The following XKR4 variants were observed in gnomAD, a reference collection of about 807,000 sequenced individuals.
The protein encoded by XKR4 is XK related 4.
A neutral mutation model predicts 53.9 loss-of-function variants in XKR4; 12 were observed. That is an observed-to-expected ratio of 0.22 (90% CI 0.14 to 0.36). XKR4 has a LOEUF of 0.36. Among genes scored for constraint, XKR4 ranks in the 10% least tolerant of loss-of-function variants. The pLI is 1.00. For synonymous variants in XKR4, 354 were observed against 362.4 expected, an observed-to-expected ratio of 0.98 and a Z score of 0.26; for missense variants, 799 against 859.5, an observed-to-expected ratio of 0.93 and a Z score of 0.88.
chr8:55,283,127 A>G (rs1818863002), intron 1 of XKR4, among the ~76,000 whole-genome samples: 4 of 152,206 alleles, frequency 2.6e-5, no homozygotes, highest in South Asian at 4.1e-4. Context: ...CTAGTTTTGC[A>G]TAAGTACACT....
At chr8:55,427,443 T>G (rs1466733773) in intron 2 of XKR4, among the ~76,000 whole-genome samples, 1 of 152,182 alleles carries the variant, frequency 6.6e-6, no homozygotes, top group Non-Finnish European at 1.5e-5. Context: ...ACACCTGGCC[T>G]CAAGCAATCC....
intron 2 of XKR4, among the ~76,000 whole-genome samples, chr8:55,513,518 C>G (rs1413945688): frequency 1.3e-5 from 2 of 152,190 alleles, no homozygotes; most frequent in Non-Finnish European, 2.9e-5. Context: ...GTTCACTCTG[C>G]AAGTGCTTGC....
intron 2 of XKR4, among the ~76,000 whole-genome samples, chr8:55,495,713 A>T (rs1455877897): frequency 4.6e-5 from 7 of 152,176 alleles, no homozygotes; most frequent in African/African-American, 7.2e-5. Flanking sequence ...AGTGGGTCCC[A>T]CCCAGCTGCG....
intron 1 of XKR4, among the ~76,000 whole-genome samples, chr8:55,261,606 C>CT (rs1818527206): frequency 2.6e-5 from 4 of 152,040 alleles, no homozygotes; most frequent in Admixed American, 2.6e-4. Flanking sequence ...CTTTGGCAGT[C>CT]TTTTGAATTT....
At chr8:55,301,172 A>T (rs1585997071) in intron 1 of XKR4, among the ~76,000 whole-genome samples, 1 of 76,104 alleles carries the variant, frequency 1.3e-5, no homozygotes, top group African/African-American at 6.6e-5. Flanking sequence ...CAGACCCCGG[A>T]GTGTGATGTT....
chr8:55,357,261 G>A (rs1028437511), intron 1 of XKR4, among the ~76,000 whole-genome samples: 1 of 152,162 alleles, frequency 6.6e-6, no homozygotes, highest in Non-Finnish European at 1.5e-5. Flanking sequence ...GCATAAGAAG[G>A]TTTATATGCA....
At position 55,188,522 on chromosome 8, in the gene XKR4, C is replaced by A. The variant is rs151314601; in HGVS notation, c.806+85228C>A. ...CTCTTCCAAGACAGTCGTTCAACAG[C>A]TCCTGTCTCGTGCATCCTCTTAAGT... On this transcript the variant is annotated intron_variant, in intron 1 of 2. Coordinates refer to ENST00000327381, the MANE Select transcript of XKR4 (RefSeq NM_052898.2). Among the ~76,000 whole-genome samples the A allele has an allele frequency of 9.2e-3, 1,394 of 152,312 alleles. 16 individuals carry two copies. The highest frequency in any genetic ancestry group is 0.012 in the Non-Finnish European group (791 of 68,030).
At chr8:55,509,433 C>T (rs1001674908) in intron 2 of XKR4, among the ~76,000 whole-genome samples, 5 of 152,176 alleles carry the variant, frequency 3.3e-5, no homozygotes, top group Non-Finnish European at 7.4e-5. Flanking sequence ...TCAGCCCAAA[C>T]ATGCAATGAT....
At chr8:55,120,747 A>G (rs907213528) in intron 1 of XKR4, among the ~76,000 whole-genome samples, 2 of 152,098 alleles carry the variant, frequency 1.3e-5, no homozygotes, top group African/African-American at 4.8e-5. Flanking sequence ...ACTAAAGTCT[A>G]TAGTTTACAT....
At chr8:55,344,291 A>G (rs891194928) in intron 1 of XKR4, among the ~76,000 whole-genome samples, 1 of 152,226 alleles carries the variant, frequency 6.6e-6, no homozygotes, top group African/African-American at 2.4e-5. Context: ...TGTGACTTTA[A>G]AAAGAATGAA....
At chr8:55,272,228 A>G (rs1052936036) in intron 1 of XKR4, among the ~76,000 whole-genome samples, 1 of 152,222 alleles carries the variant, frequency 6.6e-6, no homozygotes, top group African/African-American at 2.4e-5. Flanking sequence ...CTCCATTGCT[A>G]TCAGAGCAAG....
At chr8:55,168,118 C>T (rs1331765496) in intron 1 of XKR4, among the ~76,000 whole-genome samples, 2 of 152,154 alleles carry the variant, frequency 1.3e-5, no homozygotes, top group African/African-American at 2.4e-5. Flanking sequence ...AGAAGAGAAT[C>T]GTACAGAAAG....
At chr8:55,498,279 G>C (rs531685870) in intron 2 of XKR4, among the ~76,000 whole-genome samples, 13 of 152,334 alleles carry the variant, frequency 8.5e-5, no homozygotes, top group African/African-American at 3.1e-4. Context: ...TAGGGAAGAC[G>C]GATCCCCATG....
At chr8:55,275,068 G>A (rs1818745943) in intron 1 of XKR4, among the ~76,000 whole-genome samples, 1 of 152,104 alleles carries the variant, frequency 6.6e-6, no homozygotes, top group African/African-American at 2.4e-5. Context: ...GTATTTTGCA[G>A]AAGATTATTC....
At chr8:55,414,196 G>T (rs948915544) in intron 2 of XKR4, among the ~76,000 whole-genome samples, 1 of 152,270 alleles carries the variant, frequency 6.6e-6, no homozygotes, top group African/African-American at 2.4e-5. Flanking sequence ...CAAGGGAAAT[G>T]ATTAGAATAT....
chr8:55,272,982 A>C (rs532198203), intron 1 of XKR4: 11 of 434,496 alleles, frequency 2.5e-5, no homozygotes, highest in Non-Finnish European at 4.6e-5. Context: ...ATTTTCAACA[A>C]AAGTGTCTAG....
chr8:55,391,178 G>GAA (rs1306399525), intron 2 of XKR4, among the ~76,000 whole-genome samples: 4 of 152,218 alleles, frequency 2.6e-5, no homozygotes, highest in Admixed American at 2.0e-4. Flanking sequence ...ATGTATGGCT[G>GAA]ATGGGATGCC....
chr8:55,507,249 G>C (rs1452336656), intron 2 of XKR4, among the ~76,000 whole-genome samples: 3 of 152,122 alleles, frequency 2.0e-5, no homozygotes, highest in African/African-American at 4.8e-5. Context: ...TGAGAACTTA[G>C]ACTTGGCTTC....
chr8:55,195,591 A>T (rs948521584), intron 1 of XKR4, among the ~76,000 whole-genome samples: 3 of 152,168 alleles, frequency 2.0e-5, no homozygotes, highest in East Asian at 1.9e-4. Context: ...ACATATTTTT[A>T]AAATGAACAA....
Sources: gnomAD v4.1 joint callset for allele counts (sites outside exome capture counted in the v4.1 genomes callset) on GRCh38, gnomAD v4.1.1 for gene constraint, MANE v1.5 for transcripts, NCBI Gene and HGNC (gene_info 2026-07-23, HGNC 2026-07-21) for gene names.